Variants in AFAP1 observed in about 807,000 individuals in gnomAD.
AFAP1 encodes actin filament associated protein 1, also known as actin filament-associated protein 1.
AFAP1 carries 75 observed loss-of-function variants against 93.9 expected under a neutral mutation model. The observed-to-expected ratio is 0.80, with a 90% CI of 0.66 to 0.97. The LOEUF (loss-of-function observed/expected upper bound fraction) is 0.97. AFAP1 is among the 50% of genes least tolerant of loss of function. The probability of loss-of-function intolerance (pLI) is 0.00; values close to 1 mark genes in which losing one functional copy is unlikely to be tolerated. For synonymous variants in AFAP1, 517 were observed against 430.7 expected (o/e 1.20, Z -2.48); for missense variants, 1,201 against 1,050.8 (o/e 1.14, Z -1.98).
At chr4:7,883,967 G>A (rs968663241) in intron 1 of AFAP1, among the ~76,000 whole-genome samples, 9 of 152,160 alleles carry the variant, frequency 5.9e-5, no homozygotes, top group African/African-American at 2.2e-4. Flanking sequence ...CTCATGTTGA[G>A]ATGTAATCCC....
chr4:7,835,895 T>C (rs910399825), intron 6 of AFAP1, among the ~76,000 whole-genome samples: 2 of 152,136 alleles, frequency 1.3e-5, no homozygotes, highest in Admixed American at 1.3e-4. Flanking sequence ...TAAGGTTACC[T>C]GGGTGGCTGA....
intron 14 of AFAP1, chr4:7,778,500 C>A (rs1453279709): frequency 7.5e-6 from 4 of 534,928 alleles, no homozygotes; most frequent in South Asian, 6.0e-5. Flanking sequence ...CCTGCACTCA[C>A]AACTGCCTCC....
intron 1 of AFAP1, among the ~76,000 whole-genome samples, chr4:7,875,700 A>G (rs1577326852): frequency 6.6e-6 from 1 of 151,946 alleles, no homozygotes; most frequent in Admixed American, 6.6e-5. Flanking sequence ...AATGAATGAC[A>G]AATGAATGGA....
At chr4:7,875,555 G>T (rs1417497455) in intron 1 of AFAP1, among the ~76,000 whole-genome samples, 1 of 151,506 alleles carries the variant, frequency 6.6e-6, no homozygotes. Context: ...GGAGTTCGAG[G>T]CTGCAGTGAG....
At chr4:7,769,492 T>TC (rs1715109268) in intron 16 of AFAP1, among the ~76,000 whole-genome samples, 2 of 152,170 alleles carry the variant, frequency 1.3e-5, no homozygotes, top group Admixed American at 1.3e-4. Flanking sequence ...AAAAGCAGGC[T>TC]CCATGAGCAC....
At chr4:7,919,159 G>A (rs1301774431) in intron 1 of AFAP1, among the ~76,000 whole-genome samples, 1 of 152,156 alleles carries the variant, frequency 6.6e-6, no homozygotes, top group African/African-American at 2.4e-5. Context: ...CCCGGCCCCC[G>A]GAAAGGGAAT....
chr4:7,839,162 C>T (rs1712683011), intron 5 of AFAP1, among the ~76,000 whole-genome samples: 1 of 151,934 alleles, frequency 6.6e-6, no homozygotes, highest in Non-Finnish European at 1.5e-5. Context: ...TGAAGAAACC[C>T]CATCTCTACC....
intron 1 of AFAP1, among the ~76,000 whole-genome samples, chr4:7,907,654 A>C (rs1577350736): frequency 6.6e-6 from 1 of 152,220 alleles, no homozygotes; most frequent in Non-Finnish European, 1.5e-5. Flanking sequence ...ACGCCCAATG[A>C]AATCTTCATT....
At chr4:7,816,311 A>C (rs1450208625) in intron 7 of AFAP1, among the ~76,000 whole-genome samples, 1 of 152,218 alleles carries the variant, frequency 6.6e-6, no homozygotes, top group Non-Finnish European at 1.5e-5. Flanking sequence ...AAAAAAAAGA[A>C]AAACCTCACT....
chr4:7,869,140 A>T (rs1173202420), intron 2 of AFAP1, among the ~76,000 whole-genome samples: 1 of 151,874 alleles, frequency 6.6e-6, no homozygotes, highest in Non-Finnish European at 1.5e-5. Context: ...AAAAAGAATA[A>T]AAGAGAAAGG....
intron 12 of AFAP1, among the ~76,000 whole-genome samples, chr4:7,785,297 G>T (rs1717156114): frequency 6.6e-6 from 1 of 152,054 alleles, no homozygotes; most frequent in Non-Finnish European, 1.5e-5. Flanking sequence ...GGACTCCTAA[G>T]GCCAGACAGA....
At chr4:7,799,477 T>C (rs890128537) in intron 10 of AFAP1, among the ~76,000 whole-genome samples, 6 of 152,250 alleles carry the variant, frequency 3.9e-5, no homozygotes, top group African/African-American at 1.4e-4. Context: ...TGAGTGTCAC[T>C]GTGCACGCAT....
At chr4:7,857,482 A>G (rs551747385) in intron 3 of AFAP1, among the ~76,000 whole-genome samples, 1 of 152,258 alleles carries the variant, frequency 6.6e-6, no homozygotes, top group African/African-American at 2.4e-5. Context: ...AATAACTTCA[A>G]TTCCTTTGCA....
At chr4:7,925,507 G>T (rs2149240630) in intron 1 of AFAP1, among the ~76,000 whole-genome samples, 1 of 152,074 alleles carries the variant, frequency 6.6e-6, no homozygotes, top group East Asian at 1.9e-4. Flanking sequence ...GAGGTTGGGA[G>T]TTCAAGACCA....
At chr4:7,797,465 G>A (rs1718538758) in intron 10 of AFAP1, among the ~76,000 whole-genome samples, 1 of 152,152 alleles carries the variant, frequency 6.6e-6, no homozygotes, top group African/African-American at 2.4e-5. Flanking sequence ...GAAACATGCC[G>A]CCACCTCCAT....
Position 7,773,158 on chromosome 4 carries a change from A to G in AFAP1, c.2063-148T>C, listed in dbSNP as rs1715678740. The G allele has an allele frequency of 7.1e-6, 9 of 1,269,642 alleles. No homozygotes were observed. In the South Asian group the frequency reaches 1.3e-4, roughly 18 times the overall value. 78.6% of individuals were successfully genotyped at this position (1,269,642 alleles called of 1,614,324 possible). A position where few individuals can be genotyped will look rare whatever the true frequency, so the allele number is the denominator to read the frequency against. ...GGTCCTCGTTGTGAAACTTAAATTC[A>G]GCAGTTCTCTAAGGGATCAGAGTCC... On this transcript the variant is annotated intron_variant, in intron 15 of 17. Transcript: ENST00000420658.
intron 1 of AFAP1, among the ~76,000 whole-genome samples, chr4:7,927,197 T>C (rs559541192): frequency 6.6e-6 from 1 of 152,310 alleles, no homozygotes; most frequent in African/African-American, 2.4e-5. Flanking sequence ...AAACCTCACA[T>C]ACACAGCTCT....
intron 1 of AFAP1, among the ~76,000 whole-genome samples, chr4:7,911,808 A>G (rs1291723590): frequency 6.6e-6 from 1 of 152,216 alleles, no homozygotes; most frequent in Non-Finnish European, 1.5e-5. Context: ...GGGGTTCTCC[A>G]TAGACAAGAA....
rs540569838 is a variant in AFAP1 at position 7,821,960 on chromosome 4, C to T, written c.727-2789G>A. 1.7e-3 allele frequency among the ~76,000 whole-genome samples: 263 copies of T among 152,268 alleles called. 1 individual carries two copies. The highest frequency in any genetic ancestry group is 6.1e-3 in the African/African-American group (252 of 41,546). ...TGTCATATCTCCTCTTTGCTAATGC[C>T]GAGGTGTGGAAGCATGAGCAAACCT... On this transcript the variant is annotated intron_variant, in intron 6 of 17. Transcript: ENST00000420658.
Sources: allele counts gnomAD v4.1 joint callset (sites outside exome capture counted in the v4.1 genomes callset), GRCh38; gene constraint gnomAD v4.1.1; transcripts MANE v1.5; gene names NCBI Gene and HGNC (gene_info 2026-07-23, HGNC 2026-07-21).